COL18A1: variants seen among roughly 807,000 people sequenced by gnomAD.
COL18A1 encodes the protein collagen type XVIII alpha 1 chain.
A neutral mutation model predicts 168.0 loss-of-function variants in COL18A1; 133 were observed. The observed-to-expected ratio is 0.79, with a 90% CI of 0.69 to 0.91. COL18A1 has a LOEUF of 0.91. COL18A1 is among the 40% of genes least tolerant of loss of function. The pLI, the probability that COL18A1 is intolerant of heterozygous loss-of-function variation, is 0.00. For synonymous variants in COL18A1, 949 were observed against 809.0 expected (o/e 1.17, Z -2.94); for missense variants, 2,126 against 1,925.4 (o/e 1.10, Z -1.95).
In COL18A1 at chr21:45,476,393, A is replaced by C. The variant is rs192075600; in HGVS notation, c.841A>C (p.Thr281Pro). The C allele has an allele frequency of 6.2e-7, 1 of 1,614,092 alleles. No homozygotes were observed. The highest frequency in any genetic ancestry group is 1.3e-5 in the African/African-American group (1 of 75,042). ...CAGGCTCCCCGCGCCACCCCCCGTCACCACGCCACCCTTGGCTGGAGGCAG... is the reference window on the plus strand; with the variant it reads ...CAGGCTCCCCGCGCCACCCCCCGTCCCCACGCCACCCTTGGCTGGAGGCAG... Reference protein sequence around the residue: ...KPRLPAPPPVTTPPLAGGSST... With the variant: ...KPRLPAPPPVPTPPLAGGSST... Residue 281 changes from threonine (T) to proline (P), a missense_variant, in exon 6 of 42, where the codon ACC (threonine) becomes CCC (proline). By Grantham distance (38) the Thr-to-Pro change is conservative. Transcript: ENST00000651438.
rs527457044 is a variant in COL18A1 at position 45,445,975 on chromosome 21, G to T, written c.107-22267G>T. Among the ~76,000 whole-genome samples the T allele has an allele frequency of 3.3e-5, 5 of 152,148 alleles. No individual in the cohort carries two copies. The South Asian group carries it at 1.0e-3, about 32-fold the overall frequency. ...ACGAAGTCCAATTTATTTTTCTTTT[G>T]TCACTTGGGCTTTTGCTGTCATATG... On this transcript the variant is annotated intron_variant, in intron 2 of 41. Coordinates refer to ENST00000651438, the MANE Select transcript of COL18A1 (RefSeq NM_001379500.1).
rs149193967 is a variant in COL18A1, at chr21:45,421,389, G to C, written c.106+15916G>C. On this transcript the variant is annotated intron_variant, in intron 2 of 41. Transcript: ENST00000651438. Reference sequence around the variant, plus strand: ...GCTGGGAAGGGAAGGAGAGGGCACTGCGGTGCCTGGAGAGCCAGAGTCCGC... The same window carrying C: ...GCTGGGAAGGGAAGGAGAGGGCACTCCGGTGCCTGGAGAGCCAGAGTCCGC... The C allele has an allele frequency of 5.6e-6, 3 of 533,216 alleles. No individual in the cohort carries two copies. In the African/African-American group the frequency reaches 5.8e-5, roughly 10 times the overall value. 33.0% of individuals were successfully genotyped at this position (533,216 alleles called of 1,614,324 possible). A position where few individuals can be genotyped will look rare whatever the true frequency, so the allele number is the denominator to read the frequency against.
intron 2 of COL18A1, chr21:45,456,388 G>A (rs1239217075): frequency 1.4e-5 from 21 of 1,548,584 alleles, no homozygotes; most frequent in Admixed American, 5.9e-5. Flanking sequence ...CTGGGCTCCC[G>A]GGCGCACTGT....
In COL18A1 at chr21:45,444,792, A is replaced by C. The variant is rs149872016; in HGVS notation, c.107-23450A>C. 3.3e-5 allele frequency among the ~76,000 whole-genome samples: 5 copies of C among 152,304 alleles called. No homozygotes were observed. The East Asian group carries it at 9.6e-4, about 29-fold the overall frequency. ...CTCCGTGTCCATACCCTAGTTTTTA[A>C]AAGTTGATATAGCCCCTCTAAAAAT... On this transcript the variant is annotated intron_variant, in intron 2 of 41. Coordinates refer to ENST00000651438, the MANE Select transcript of COL18A1 (RefSeq NM_001379500.1).
intron 2 of COL18A1, among the ~76,000 whole-genome samples, chr21:45,454,822 G>C (rs1196683153): frequency 1.3e-5 from 2 of 152,232 alleles, no homozygotes; most frequent in African/African-American, 4.8e-5. Context: ...GACTGAGGCC[G>C]GGAAGGAGTA....
intron 36 of COL18A1, among the ~76,000 whole-genome samples, chr21:45,505,637 G>A (rs1008561185): frequency 2.6e-5 from 4 of 152,168 alleles, no homozygotes; most frequent in African/African-American, 9.7e-5. Flanking sequence ...AGTGCCCAGG[G>A]CCTGTACATT....
chr21:45,470,631 C>T (rs1225926473), intron 3 of COL18A1, among the ~76,000 whole-genome samples: 1 of 151,738 alleles, frequency 6.6e-6, no homozygotes, highest in Non-Finnish European at 1.5e-5. Context: ...GGATTACAGG[C>T]ACCTGCCACC....
chr21:45,488,154 T>C (rs2036180733), intron 17 of COL18A1, among the ~76,000 whole-genome samples: 1 of 152,250 alleles, frequency 6.6e-6, no homozygotes, highest in Non-Finnish European at 1.5e-5. Context: ...TCCAGCTTCA[T>C]GCTCAGAGAC....
At position 45,486,821 on chromosome 21, in the gene COL18A1, G is replaced by A. The variant is rs974206635; in HGVS notation, c.1702-40G>A. On this transcript the variant is annotated intron_variant, in intron 15 of 41. Transcript: ENST00000651438. The stretch of plus-strand genomic sequence containing the variant: ...CGCTGGGGTTGCAGGGCCAGCGGGG[G>A]CTGGGCTGGGTCCTGACACGCTCTC... 8.5e-6 allele frequency: 13 copies of A among 1,525,474 alleles called. No homozygotes were observed. In the African/African-American group the frequency reaches 1.1e-4, roughly 13 times the overall value. The allele number at this position is 1,525,474 out of a possible 1,614,324, so 94.5% of individuals were successfully genotyped here. A position where few individuals can be genotyped will look rare whatever the true frequency, so the allele number is the denominator to read the frequency against.
At chr21:45,444,474 C>G (rs1226342890) in intron 2 of COL18A1, among the ~76,000 whole-genome samples, 1 of 152,146 alleles carries the variant, frequency 6.6e-6, no homozygotes, top group Non-Finnish European at 1.5e-5. Flanking sequence ...TTTTGGTTTT[C>G]TGGCTGTAAA....
intron 11 of COL18A1, 97 bp downstream of exon 11, chr21:45,480,253 C>CT: frequency 8.8e-7 from 1 of 1,131,378 alleles, no homozygotes; most frequent in Non-Finnish European, 1.3e-6. Context: ...CCCTCAGGGG[C>CT]TTGCGTGGGG....
chr21:45,480,703 C>T lies in COL18A1; in HGVS notation c.1456C>T (p.Pro486Ser), dbSNP rs1485432928. The T allele has an allele frequency of 1.2e-6, 2 of 1,610,916 alleles. No homozygotes were observed. The highest frequency in any genetic ancestry group is 1.7e-5 in the Admixed American group (1 of 60,026). Residue 486 changes from proline (P) to serine (S), a missense_variant, in exon 13 of 42, where the codon CCT (proline) becomes TCT (serine). Pro to Ser is a moderately conservative substitution (Grantham distance 74, BLOSUM62 -1). Transcript: ENST00000651438. The part of the protein sequence containing the change: ...FGGDLEALRG[P>S]RGFPGPPGPP... Reference sequence around the variant, plus strand: ...ATCTGTGTTCGCCCACGTCCAGGGTCCTCGAGGCTTCCCTGGACCTCCCGG... The same window carrying T: ...ATCTGTGTTCGCCCACGTCCAGGGTTCTCGAGGCTTCCCTGGACCTCCCGG...
chr21:45,489,009 T>A (rs2036208884), intron 18 of COL18A1, among the ~76,000 whole-genome samples: 1 of 152,020 alleles, frequency 6.6e-6, no homozygotes, highest in East Asian at 1.9e-4. Flanking sequence ...CCCCGCTGCG[T>A]GCTCATCAAA....
chr21:45,477,317 A>C, intron 6 of COL18A1, 94 bp from the exon 7 acceptor site: 1 of 962,310 alleles, frequency 1.0e-6, no homozygotes, highest in Non-Finnish European at 1.6e-6. Flanking sequence ...CAGGACTGAA[A>C]GCGTTTGGGC....
At chr21:45,418,661 T>C (rs1429945191) in intron 2 of COL18A1, among the ~76,000 whole-genome samples, 1 of 152,144 alleles carries the variant, frequency 6.6e-6, no homozygotes, top group African/African-American at 2.4e-5. Flanking sequence ...TTGGCTCACA[T>C]CTCTTCCTGG....
intron 2 of COL18A1, among the ~76,000 whole-genome samples, chr21:45,431,639 G>A (rs1029389380): frequency 6.6e-6 from 1 of 151,918 alleles, no homozygotes; most frequent in Non-Finnish European, 1.5e-5. Flanking sequence ...CATTCTGACC[G>A]ATTCCTGGAA....
rs528149725 is a variant in COL18A1, at chr21:45,468,936, T to C, written c.651+150T>C. On this transcript the variant is annotated intron_variant, in intron 3 of 41. Transcript: ENST00000651438. ...GCCCGGGCCTCCAGCGCAGGCCTCC[T>C]GGGTTCTTGGCTGCTCAGCCCTGGC... The C allele has an allele frequency of 7.7e-3, 6,544 of 846,118 alleles. 302 individuals are homozygous for C. The African/African-American group carries it at 0.098, about 13-fold the overall frequency. 52.4% of individuals were successfully genotyped at this position (846,118 alleles called of 1,614,324 possible).
chr21:45,407,709 C>G (rs1387468553), intron 2 of COL18A1: 1 of 152,330 alleles, frequency 6.6e-6, no homozygotes. Context: ...TGTCTCTGAG[C>G]CTCTCCTACA....
chr21:45,410,798 A>C (rs1276423729), intron 2 of COL18A1, among the ~76,000 whole-genome samples: 1 of 152,146 alleles, frequency 6.6e-6, no homozygotes, highest in Non-Finnish European at 1.5e-5. Flanking sequence ...AGCTGATGGG[A>C]AAGCCAGGCT....
Sources: allele counts gnomAD v4.1 joint callset (sites outside exome capture counted in the v4.1 genomes callset), GRCh38; gene constraint gnomAD v4.1.1; transcripts MANE v1.5; gene names NCBI Gene and HGNC (gene_info 2026-07-23, HGNC 2026-07-21).